Variants in CSMD3 observed in about 807,000 individuals in gnomAD.
CSMD3 encodes CUB and sushi domain-containing protein 3.
CSMD3 carries 177 observed loss-of-function variants against 435.2 expected under a neutral mutation model. The ratio of observed to expected loss-of-function variants is 0.41; its 90% CI spans 0.36 to 0.46. CSMD3 has a LOEUF of 0.46. Ranked by LOEUF, CSMD3 falls within the 20% of genes least tolerant of loss-of-function variation. The pLI, the probability that CSMD3 is intolerant of heterozygous loss-of-function variation, is 0.34. For synonymous variants in CSMD3, 1,656 were observed against 1,520.5 expected (o/e 1.09, Z -2.07); for missense variants, 4,265 against 4,504.6 (o/e 0.95, Z 1.52).
At chr8:113,252,012 T>G (rs1401775453) in intron 3 of CSMD3, among the ~76,000 whole-genome samples, 6 of 152,090 alleles carry the variant, frequency 3.9e-5, no homozygotes, top group African/African-American at 1.4e-4. Flanking sequence ...CAGTTAAAAT[T>G]TTCACAGATA....
chr8:113,328,741 T>TTC (rs1486810930), intron 1 of CSMD3, among the ~76,000 whole-genome samples: 3 of 119,672 alleles, frequency 2.5e-5, no homozygotes, highest in African/African-American at 6.8e-5. Context: ...TTTTCTTTTT[T>TTC]TTTTTTTTTT....
intron 4 of CSMD3, among the ~76,000 whole-genome samples, chr8:113,164,129 CAA>C (rs1161921799): frequency 1.3e-5 from 2 of 151,950 alleles, no homozygotes; most frequent in Non-Finnish European, 2.9e-5. Context: ...CTGATTCTAA[CAA>C]AGATACAAGA....
At position 112,472,602 on chromosome 8, in the gene CSMD3, G is replaced by C; in HGVS notation, c.5384C>G (p.Pro1795Arg). Residue 1795 changes from proline (P) to arginine (R), a missense_variant, in exon 32 of 71, where the codon CCA becomes CGA. Physicochemically the swap from Pro to Arg is moderately radical, Grantham distance 103. Transcript: ENST00000297405. Reference sequence around the variant, plus strand: ...CGAATCTTACTTACCAAACTCCTTTGGAACTGCTATAGAATAAACACAATT... The same window carrying C: ...CGAATCTTACTTACCAAACTCCTTTCGAACTGCTATAGAATAAACACAATT... ...GHNCVYSIAV[P>R]KEFVVFGQFV... 6.4e-7 allele frequency: 1 copy of C among 1,554,102 alleles called. No homozygotes were observed. Among genetic ancestry groups the C allele is most frequent in the Non-Finnish European group, 8.9e-7 (1 of 1,125,520 alleles).
intron 13 of CSMD3, among the ~76,000 whole-genome samples, chr8:112,731,305 G>T (rs1251290052): frequency 6.6e-6 from 1 of 152,050 alleles, no homozygotes; most frequent in African/African-American, 2.4e-5. Context: ...TTTAAAAAAT[G>T]AGAAAGGTCA....
chr8:113,074,937 A>C (rs531144154), intron 5 of CSMD3, among the ~76,000 whole-genome samples: 16 of 151,824 alleles, frequency 1.1e-4, no homozygotes, highest in Non-Finnish European at 2.1e-4. Context: ...ACAATTCAAA[A>C]AGTATGTTAA....
rs1163792448 is a variant in CSMD3 at position 112,510,710 on chromosome 8, C to T, written c.4757-3881G>A. On this transcript the variant is annotated intron_variant, in intron 28 of 70. Coordinates refer to ENST00000297405, the MANE Select transcript of CSMD3 (RefSeq NM_198123.2). Reference sequence around the variant, plus strand: ...CCTCTGGTATCCATAGTAACCTCTGCCCATCTCGGTCATTTCTTTGACTGT... The same window carrying T: ...CCTCTGGTATCCATAGTAACCTCTGTCCATCTCGGTCATTTCTTTGACTGT... Among the ~76,000 whole-genome samples, 4 of 152,142 alleles carry T rather than the reference C, an allele frequency of 2.6e-5. No individual in the cohort carries two copies. In the South Asian group the frequency reaches 8.3e-4, roughly 32 times the overall value.
intron 63 of CSMD3, among the ~76,000 whole-genome samples, chr8:112,249,636 T>C (rs1196123132): frequency 6.6e-6 from 1 of 152,076 alleles, no homozygotes; most frequent in Non-Finnish European, 1.5e-5. Flanking sequence ...TAAAGTTACA[T>C]TGAGCTAACA....
chr8:113,297,208 G>C (rs1187073385), intron 2 of CSMD3, among the ~76,000 whole-genome samples: 5 of 152,014 alleles, frequency 3.3e-5, no homozygotes, highest in Non-Finnish European at 7.4e-5. Flanking sequence ...TAGAAATATA[G>C]ATAAGATACT....
chr8:112,760,620 C>A (rs1355617472), intron 13 of CSMD3, among the ~76,000 whole-genome samples: 1 of 152,134 alleles, frequency 6.6e-6, no homozygotes, highest in African/African-American at 2.4e-5. Flanking sequence ...TGCTTGGATG[C>A]AATCAGTTAT....
At chr8:112,247,799 G>T (rs1311074006) in intron 63 of CSMD3, among the ~76,000 whole-genome samples, 1 of 152,102 alleles carries the variant, frequency 6.6e-6, no homozygotes, top group African/African-American at 2.4e-5. Flanking sequence ...GAAACTGTTA[G>T]GTTAGAAAAA....
rs967185751 is a variant in CSMD3, at chr8:112,619,200, T to C, written c.3715+17617A>G. Reference sequence around the variant, plus strand: ...CTCCCTCCCATACTCCATTTTCTACTGGGATGGAGTTGGGGTAGAATTGCT... The same window carrying C: ...CTCCCTCCCATACTCCATTTTCTACCGGGATGGAGTTGGGGTAGAATTGCT... On this transcript the variant is annotated intron_variant, in intron 22 of 70. Coordinates refer to ENST00000297405, the MANE Select transcript of CSMD3 (RefSeq NM_198123.2). 7.2e-5 allele frequency among the ~76,000 whole-genome samples: 11 copies of C among 152,060 alleles called. 1 individual carries two copies. The highest frequency in any genetic ancestry group is 7.2e-4 in the Admixed American group (11 of 15,238).
intron 38 of CSMD3, among the ~76,000 whole-genome samples, chr8:112,363,142 G>A (rs1210053487): frequency 1.3e-5 from 2 of 151,938 alleles, no homozygotes; most frequent in East Asian, 3.9e-4. Flanking sequence ...AGTCTGAGAT[G>A]TTTTCTATGC....
intron 3 of CSMD3, among the ~76,000 whole-genome samples, chr8:113,265,887 T>G (rs895259941): frequency 6.6e-6 from 1 of 151,664 alleles, no homozygotes; most frequent in East Asian, 1.9e-4. Context: ...GGTCAAGGTC[T>G]TTGCAGGTAT....
intron 4 of CSMD3, among the ~76,000 whole-genome samples, chr8:113,134,602 T>C (rs749873343): frequency 2.0e-5 from 3 of 152,088 alleles, no homozygotes; most frequent in Non-Finnish European, 2.9e-5. Context: ...CACATACCTA[T>C]ATTTATATAT....
At chr8:112,747,642 C>T (rs2077463596) in intron 13 of CSMD3, among the ~76,000 whole-genome samples, 1 of 152,042 alleles carries the variant, frequency 6.6e-6, no homozygotes, top group Non-Finnish European at 1.5e-5. Context: ...CAAGCATAGA[C>T]CACGAATAAA....
chr8:112,590,995 T>C (rs1032980535), intron 22 of CSMD3, among the ~76,000 whole-genome samples: 3 of 152,028 alleles, frequency 2.0e-5, no homozygotes, highest in Non-Finnish European at 4.4e-5. Flanking sequence ...TAATTTGAAC[T>C]AGGGGGTGGT....
intron 24 of CSMD3, among the ~76,000 whole-genome samples, chr8:112,562,191 A>C (rs532810745): frequency 6.6e-6 from 1 of 151,828 alleles, no homozygotes; most frequent in African/African-American, 2.4e-5. Flanking sequence ...TGACCTCAAC[A>C]TAATTTCTCT....
At chr8:112,621,887 T>C (rs2131518875) in intron 22 of CSMD3, among the ~76,000 whole-genome samples, 1 of 152,278 alleles carries the variant, frequency 6.6e-6, no homozygotes, top group South Asian at 2.1e-4. Context: ...TCTTATGATC[T>C]CCAGACTGTG....
chr8:112,697,251 C>A (rs1213618349), intron 13 of CSMD3, among the ~76,000 whole-genome samples: 1 of 152,166 alleles, frequency 6.6e-6, no homozygotes, highest in Admixed American at 6.5e-5. Context: ...GATTATAAAT[C>A]ATGCTGCTAT....
Sources: gnomAD v4.1 joint callset for allele counts (sites outside exome capture counted in the v4.1 genomes callset) on GRCh38, gnomAD v4.1.1 for gene constraint, MANE v1.5 for transcripts, NCBI Gene and HGNC (gene_info 2026-07-23, HGNC 2026-07-21) for gene names.